CNTN3: variants seen among roughly 807,000 people sequenced by gnomAD.
CNTN3 encodes the protein contactin-3.
Under a neutral mutation model 119.1 loss-of-function variants are expected in CNTN3, and 60 were observed. That is an observed-to-expected ratio of 0.50 (90% CI 0.41 to 0.62). The LOEUF (loss-of-function observed/expected upper bound fraction) is 0.62. CNTN3 is among the 20% of genes least tolerant of loss of function. The pLI is 0.00. For missense variants in CNTN3, 1,101 were observed against 1,242.4 expected, an observed-to-expected ratio of 0.89 and a Z score of 1.71; for synonymous variants, 450 against 438.7, an observed-to-expected ratio of 1.03 and a Z score of -0.32.
In CNTN3 at chr3:74,482,806, C is replaced by G. The variant is rs563689931; in HGVS notation, c.358+3650G>C. Among the ~76,000 whole-genome samples, 8 of 152,242 alleles carry G rather than the reference C, an allele frequency of 5.3e-5. No homozygotes were observed. The East Asian group carries it at 1.5e-3, about 29-fold the overall frequency. Reference sequence around the variant, plus strand: ...GTTAAGATTCCTCTGAAGTCATGAGCATCCTACTAATACAAGGGTCTCCAT... The same window carrying G: ...GTTAAGATTCCTCTGAAGTCATGAGGATCCTACTAATACAAGGGTCTCCAT... On this transcript the variant is annotated intron_variant, in intron 4 of 22. Coordinates refer to ENST00000263665, the MANE Select transcript of CNTN3 (RefSeq NM_020872.3).
chr3:74,517,232 T>C (rs1481085077), intron 2 of CNTN3, among the ~76,000 whole-genome samples: 1 of 151,954 alleles, frequency 6.6e-6, no homozygotes, highest in Non-Finnish European at 1.5e-5. Context: ...TGACTTACGA[T>C]CTGGCCTTTA....
chr3:74,331,916 C>T (rs896818738), intron 13 of CNTN3, among the ~76,000 whole-genome samples: 1 of 152,140 alleles, frequency 6.6e-6, no homozygotes, highest in Admixed American at 6.5e-5. Context: ...TTGGAGCTTT[C>T]TGAGCTTATG....
At chr3:74,572,976 T>A (rs1359224522) in intron 1 of CNTN3, among the ~76,000 whole-genome samples, 7 of 152,208 alleles carry the variant, frequency 4.6e-5, no homozygotes, top group South Asian at 2.1e-4. Context: ...TGAAATGTAC[T>A]TAGACCAGGG....
intron 4 of CNTN3, among the ~76,000 whole-genome samples, chr3:74,467,224 C>A (rs1321754451): frequency 1.3e-5 from 2 of 151,868 alleles, no homozygotes; most frequent in African/African-American, 4.8e-5. Flanking sequence ...ATATCTTTTG[C>A]AAATTAAATC....
Position 74,271,755 on chromosome 3 carries a change from C to T in CNTN3, c.2705-4377G>A, listed in dbSNP as rs371777218. Among the ~76,000 whole-genome samples the T allele has an allele frequency of 5.3e-5, 8 of 152,286 alleles. No individual in the cohort carries two copies. In the East Asian group the frequency reaches 1.2e-3, roughly 22 times the overall value. On this transcript the variant is annotated intron_variant, in intron 20 of 22. Transcript: ENST00000263665. ...AACATTTGTAACTAAGCTGCTTAAA[C>T]ATGTGGTATTGTGCAACGATCATGT...
chr3:74,346,761 CCA>C, intron 11 of CNTN3, among the ~76,000 whole-genome samples: 1 of 151,676 alleles, frequency 6.6e-6, no homozygotes, highest in Non-Finnish European at 1.5e-5. Context: ...ATCCATCCAT[CCA>C]TCCATCCATC....
chr3:74,603,622 T>C (rs1704946635), intron 1 of CNTN3, among the ~76,000 whole-genome samples: 1 of 152,136 alleles, frequency 6.6e-6, no homozygotes, highest in African/African-American at 2.4e-5. Flanking sequence ...AAGCAGTTAC[T>C]TACTTTTTTT....
At chr3:74,454,406 T>A (rs1405421988) in intron 4 of CNTN3, among the ~76,000 whole-genome samples, 1 of 150,644 alleles carries the variant, frequency 6.6e-6, no homozygotes, top group African/African-American at 2.4e-5. Context: ...TATGTGTGTC[T>A]CTGCACGTGA....
intron 1 of CNTN3, among the ~76,000 whole-genome samples, chr3:74,598,475 A>T (rs1261250260): frequency 6.6e-6 from 1 of 152,202 alleles, no homozygotes; most frequent in East Asian, 1.9e-4. Context: ...GTAAATTTTT[A>T]AAAATTATTT....
intron 1 of CNTN3, among the ~76,000 whole-genome samples, chr3:74,557,051 T>C (rs933246825): frequency 6.6e-6 from 1 of 152,182 alleles, no homozygotes; most frequent in African/African-American, 2.4e-5. Context: ...ACCAGATACA[T>C]AATTTATAAA....
chr3:74,540,131 A>G (rs1703822717), intron 1 of CNTN3, among the ~76,000 whole-genome samples: 1 of 152,144 alleles, frequency 6.6e-6, no homozygotes, highest in Non-Finnish European at 1.5e-5. Context: ...ATATAGCTGA[A>G]ATAGAAAGCT....
At chr3:74,580,038 G>A (rs1321080653) in intron 1 of CNTN3, among the ~76,000 whole-genome samples, 1 of 152,072 alleles carries the variant, frequency 6.6e-6, no homozygotes, top group Non-Finnish European at 1.5e-5. Context: ...AAATCCAAGT[G>A]CAGGATGAAA....
intron 4 of CNTN3, among the ~76,000 whole-genome samples, chr3:74,428,597 A>G (rs1307331510): frequency 6.6e-6 from 1 of 152,256 alleles, no homozygotes; most frequent in East Asian, 1.9e-4. Flanking sequence ...ATGGGTCAAA[A>G]TTCATAAAAC....
At chr3:74,597,628 C>G (rs1390385300) in intron 1 of CNTN3, among the ~76,000 whole-genome samples, 1 of 151,982 alleles carries the variant, frequency 6.6e-6, no homozygotes, top group Non-Finnish European at 1.5e-5. Flanking sequence ...GTTTCTTTTT[C>G]AGGGATTTGT....
At chr3:74,344,397 GTTTTTTTTTTTTTTTTTTTTTTTTTT>G (rs1156579949) in intron 11 of CNTN3, among the ~76,000 whole-genome samples, 7 of 32,566 alleles carry the variant, frequency 2.1e-4, no homozygotes, top group East Asian at 1.2e-3. Flanking sequence ...TTACACAGTG[GTTTTTTTTTTTTTTTTTTTTTTTTTT>G]TTTTTTTTTT....
At chr3:74,484,080 T>G (rs1182528202) in intron 4 of CNTN3, among the ~76,000 whole-genome samples, 1 of 152,112 alleles carries the variant, frequency 6.6e-6, no homozygotes, top group Non-Finnish European at 1.5e-5. Flanking sequence ...ACTAGAGGAA[T>G]GTATGTATCA....
intron 1 of CNTN3, among the ~76,000 whole-genome samples, chr3:74,592,474 A>AAC (rs747459006): frequency 0.033 from 4,700 of 143,942 alleles, 189 homozygotes; most frequent in African/African-American, 0.11. Context: ...AACAGAATGA[A>AAC]ACACACACAC....
At chr3:74,462,300 C>T (rs543141037) in intron 4 of CNTN3, among the ~76,000 whole-genome samples, 4 of 152,104 alleles carry the variant, frequency 2.6e-5, no homozygotes, top group Admixed American at 2.6e-4. Context: ...TTCCTTATAG[C>T]AATGTGAAAT....
chr3:74,423,153 T>C (rs1374331661), intron 5 of CNTN3, among the ~76,000 whole-genome samples: 2 of 152,204 alleles, frequency 1.3e-5, no homozygotes, highest in Non-Finnish European at 2.9e-5. Context: ...ATTCAATCCC[T>C]GAATCCAACG....
Sources: allele counts gnomAD v4.1 joint callset (sites outside exome capture counted in the v4.1 genomes callset), GRCh38; gene constraint gnomAD v4.1.1; transcripts MANE v1.5; gene names NCBI Gene and HGNC (gene_info 2026-07-23, HGNC 2026-07-21).